Variants in MYLK observed in about 807,000 individuals in gnomAD.
MYLK encodes myosin light chain kinase, also known as myosin light chain kinase, smooth muscle.
A neutral mutation model predicts 203.4 loss-of-function variants in MYLK; 106 were observed. The ratio of observed to expected loss-of-function variants is 0.52; its 90% CI spans 0.45 to 0.61. The LOEUF (loss-of-function observed/expected upper bound fraction) is 0.61. Among genes scored for constraint, MYLK ranks in the 20% least tolerant of loss-of-function variants. The pLI is 0.00. For missense variants in MYLK, 2,072 were observed against 2,442.3 expected, an observed-to-expected ratio of 0.85 and a Z score of 3.20; for synonymous variants, 867 against 959.5, an observed-to-expected ratio of 0.90 and a Z score of 1.78.
At chr3:123,711,468 A>G (rs1299741283) in intron 13 of MYLK, among the ~76,000 whole-genome samples, 1 of 152,196 alleles carries the variant, frequency 6.6e-6, no homozygotes, top group Non-Finnish European at 1.5e-5. Flanking sequence ...ACTCACATTC[A>G]GTTTCTTGTG....
chr3:123,704,891 G>A (rs761163979), intron 16 of MYLK, among the ~76,000 whole-genome samples: 9 of 152,152 alleles, frequency 5.9e-5, no homozygotes, highest in Non-Finnish European at 1.3e-4. Context: ...CTGCACTCCA[G>A]CCTGGGCGAC....
chr3:123,648,886 C>T lies in MYLK; in HGVS notation c.4415+85G>A. ...GGAGGAGGCAGGCCCCAGGGAGCAACAGGAAGCTGAGGCACTGAATCTAAC... is the reference window on the plus strand; with the variant it reads ...GGAGGAGGCAGGCCCCAGGGAGCAATAGGAAGCTGAGGCACTGAATCTAAC... On this transcript the variant is annotated intron_variant, in intron 26 of 33. Coordinates refer to ENST00000360304, the MANE Select transcript of MYLK (RefSeq NM_053025.4). This position sits in a 1 kb window ranked among gnomAD's most constrained non-coding sequence, Gnocchi z 4.5. The T allele has an allele frequency of 1.7e-6, 2 of 1,180,636 alleles. No homozygotes were observed. Among genetic ancestry groups the T allele is most frequent in the Non-Finnish European group, 2.5e-6 (2 of 790,694 alleles). The allele number at this position is 1,180,636 out of a possible 1,614,324, so 73.1% of individuals were successfully genotyped here. A position where few individuals can be genotyped will look rare whatever the true frequency, so the allele number is the denominator to read the frequency against.
In MYLK at chr3:123,793,903, C is replaced by A. The variant is rs2064886729; in HGVS notation, c.-3-59G>T. ...CAGACAAAGCACAGCCCTGTCTTCC[C>A]TTCAGGCATCAGGTGTGTCCAGTCT... On this transcript the variant is annotated intron_variant, in intron 3 of 33. Transcript: ENST00000360304. 3 of 1,597,704 alleles carry A rather than the reference C, an allele frequency of 1.9e-6. No homozygotes were observed. The East Asian group carries it at 6.7e-5, about 36-fold the overall frequency.
chr3:123,804,756 G>C (rs906206698), intron 3 of MYLK, among the ~76,000 whole-genome samples: 3 of 152,148 alleles, frequency 2.0e-5, no homozygotes, highest in African/African-American at 7.2e-5. Flanking sequence ...GTGGCCCCTG[G>C]TCCTCTCTAT....
chr3:123,761,644 G>T (rs941285162), intron 4 of MYLK, among the ~76,000 whole-genome samples: 3 of 152,190 alleles, frequency 2.0e-5, no homozygotes, highest in African/African-American at 7.2e-5. Context: ...AGAGAATCAT[G>T]TCAGAGAAGG....
intron 14 of MYLK, chr3:123,709,420 G>A (rs185430788): frequency 2.2e-4 from 77 of 344,760 alleles, no homozygotes; most frequent in Admixed American, 4.8e-4. Context: ...GATTACAGGC[G>A]TGAGCCACCG....
intron 12 of MYLK, among the ~76,000 whole-genome samples, chr3:123,722,655 C>T (rs2062135112): frequency 6.6e-6 from 1 of 152,190 alleles, no homozygotes; most frequent in Non-Finnish European, 1.5e-5. Flanking sequence ...AATTCTGAGC[C>T]TGGAGAGACT....
intron 3 of MYLK, among the ~76,000 whole-genome samples, chr3:123,820,587 T>G (rs1196002470): frequency 6.6e-6 from 1 of 150,638 alleles, no homozygotes; most frequent in Non-Finnish European, 1.5e-5. Flanking sequence ...CCATGGACTA[T>G]TCAGCTAAGC....
At chr3:123,703,291 C>T (rs546444169) in intron 16 of MYLK, among the ~76,000 whole-genome samples, 2 of 152,218 alleles carry the variant, frequency 1.3e-5, no homozygotes, top group African/African-American at 4.8e-5. Context: ...AGAAGCCAAT[C>T]GTTGCTGTCC....
chr3:123,797,069 T>C (rs2065013157), intron 3 of MYLK, among the ~76,000 whole-genome samples: 1 of 152,204 alleles, frequency 6.6e-6, no homozygotes, highest in Non-Finnish European at 1.5e-5. Flanking sequence ...TATGGGTACA[T>C]ATTTACAGGG....
At chr3:123,780,155 T>C (rs2064237214) in intron 4 of MYLK, among the ~76,000 whole-genome samples, 1 of 152,158 alleles carries the variant, frequency 6.6e-6, no homozygotes, top group African/African-American at 2.4e-5. Context: ...TTTTTATGGT[T>C]GGGCGCGGTG....
At chr3:123,724,598 C>G (rs2062212277) in intron 12 of MYLK, among the ~76,000 whole-genome samples, 1 of 152,162 alleles carries the variant, frequency 6.6e-6, no homozygotes, top group Admixed American at 6.5e-5. Context: ...TCCTCTTACT[C>G]ACTAAAGACA....
chr3:123,815,241 C>A (rs962004421), intron 3 of MYLK, among the ~76,000 whole-genome samples: 1 of 152,086 alleles, frequency 6.6e-6, no homozygotes, highest in Non-Finnish European at 1.5e-5. Context: ...ACTTGTGGCT[C>A]CCCAGTATTT....
At chr3:123,664,914 G>T (rs1291917435) in intron 22 of MYLK, among the ~76,000 whole-genome samples, 1 of 152,198 alleles carries the variant, frequency 6.6e-6, no homozygotes, top group Non-Finnish European at 1.5e-5. Context: ...GAAATGTCCA[G>T]AATATGCAAA....
intron 2 of MYLK, among the ~76,000 whole-genome samples, chr3:123,875,911 A>G (rs565924812): frequency 6.6e-6 from 1 of 152,360 alleles, no homozygotes; most frequent in African/African-American, 2.4e-5. Context: ...TTTCCAGTTA[A>G]CTTTTAGAAA....
chr3:123,847,310 G>C (rs1048136922), intron 2 of MYLK, among the ~76,000 whole-genome samples: 1 of 152,040 alleles, frequency 6.6e-6, no homozygotes, highest in Non-Finnish European at 1.5e-5. Context: ...CATGGATAGT[G>C]AGGGATGACT....
At chr3:123,614,809 C>A (rs151178365) in intron 33 of MYLK, among the ~76,000 whole-genome samples, 11 of 150,604 alleles carry the variant, frequency 7.3e-5, no homozygotes, top group African/African-American at 2.2e-4. Flanking sequence ...ACACCTTTCA[C>A]TTTTTGGGGG....
At chr3:123,626,394 T>G (rs145969687) in intron 31 of MYLK, among the ~76,000 whole-genome samples, 4 of 152,370 alleles carry the variant, frequency 2.6e-5, no homozygotes, top group Non-Finnish European at 5.9e-5. Context: ...GGTGGGACCA[T>G]GTCTCTCTCT....
intron 5 of MYLK, among the ~76,000 whole-genome samples, chr3:123,741,435 A>T (rs935964538): frequency 6.6e-6 from 1 of 152,194 alleles, no homozygotes; most frequent in Non-Finnish European, 1.5e-5. Flanking sequence ...GGTTTTTGTC[A>T]TTCCATTCTC....
Sources: gnomAD v4.1 joint callset for allele counts (sites outside exome capture counted in the v4.1 genomes callset) on GRCh38, gnomAD v4.1.1 for gene constraint, Gnocchi (gnomAD v3.1) non-coding constraint, MANE v1.5 for transcripts, NCBI Gene and HGNC (gene_info 2026-07-23, HGNC 2026-07-21) for gene names.